MMRN1: variants seen among roughly 807,000 people sequenced by gnomAD.
The protein encoded by MMRN1 is multimerin-1.
In MMRN1, 94 loss-of-function variants were observed where a neutral mutation model predicts 100.7. The ratio of observed to expected loss-of-function variants is 0.93; its 90% CI spans 0.79 to 1.11. The LOEUF (loss-of-function observed/expected upper bound fraction) is 1.11, where lower values mean the gene tolerates loss of function less well. MMRN1 is among the 50% of genes least tolerant of loss of function. The probability of loss-of-function intolerance (pLI) is 0.00; values close to 1 mark genes in which losing one functional copy is unlikely to be tolerated. For synonymous variants in MMRN1, 575 were observed against 505.0 expected (o/e 1.14, Z -1.86); for missense variants, 1,606 against 1,439.1 (o/e 1.12, Z -1.88).
chr4:89,942,848 A>AT (rs558396221), intron 6 of MMRN1, among the ~76,000 whole-genome samples: 152 of 152,240 alleles, frequency 1.0e-3, no homozygotes, highest in Admixed American at 5.2e-3. Context: ...AACTACACTT[A>AT]TTTTTTTACT....
At chr4:89,905,618 T>A (rs1490731047) in intron 1 of MMRN1, among the ~76,000 whole-genome samples, 2 of 151,540 alleles carry the variant, frequency 1.3e-5, no homozygotes, top group Non-Finnish European at 3.0e-5. Flanking sequence ...CAAGAGAATG[T>A]TAATTTTCAG....
In MMRN1 at chr4:89,909,259, A is replaced by G. The variant is rs200147680; in HGVS notation, c.624-17A>G. ...TTTGACAACAGTTTTTTCCCTAACA[A>G]TTATGATCTTCTTTAGGAATTGGTG... On this transcript the variant is annotated splice_polypyrimidine_tract_variant and intron_variant, in intron 1 of 7. Transcript: ENST00000264790. 3.2e-5 allele frequency: 50 copies of G among 1,571,012 alleles called. No individual in the cohort carries two copies. Among genetic ancestry groups the G allele is most frequent in the Non-Finnish European group, 4.2e-5 (49 of 1,160,714 alleles).
chr4:89,907,756 G>C (rs555386186), intron 1 of MMRN1, among the ~76,000 whole-genome samples: 1 of 148,800 alleles, frequency 6.7e-6, no homozygotes, highest in Non-Finnish European at 1.5e-5. Context: ...TATACTTCTC[G>C]TTCTATTTAA....
intron 6 of MMRN1, among the ~76,000 whole-genome samples, chr4:89,948,379 A>G (rs116809564): frequency 0.011 from 1,649 of 152,300 alleles, 15 homozygotes; most frequent in Middle Eastern, 0.068. Context: ...ATCTATACAG[A>G]ATAAAACTGA....
intron 1 of MMRN1, among the ~76,000 whole-genome samples, chr4:89,887,411 G>C (rs1450501556): frequency 1.3e-5 from 2 of 152,014 alleles, no homozygotes; most frequent in South Asian, 4.1e-4. Flanking sequence ...CTACAGAGCT[G>C]TAGTAACCAA....
chr4:89,934,733 C>G (rs1441762463), intron 5 of MMRN1, 77 bp from the exon 6 acceptor site: 2 of 827,996 alleles, frequency 2.4e-6, no homozygotes, highest in Non-Finnish European at 3.4e-6. Context: ...TGTTTAATTT[C>G]AAACTTTTTA....
At chr4:89,888,910 G>A (rs1424783982) in intron 1 of MMRN1, among the ~76,000 whole-genome samples, 1 of 151,574 alleles carries the variant, frequency 6.6e-6, no homozygotes, top group Non-Finnish European at 1.5e-5. Context: ...ATATCTTGGT[G>A]TTTTCTTGAT....
At chr4:89,912,362 A>G (rs752385125) in intron 3 of MMRN1, among the ~76,000 whole-genome samples, 8 of 151,356 alleles carry the variant, frequency 5.3e-5, no homozygotes, top group Admixed American at 3.3e-4. Flanking sequence ...CAGGAATGCT[A>G]ATTTTCAATT....
In MMRN1 at chr4:89,895,045, A is replaced by T; in HGVS notation, c.74A>T (p.His25Leu). Residue 25 changes from histidine (H) to leucine (L), a missense_variant, in exon 1 of 8, where the codon CAT becomes CTT. Physicochemically the swap from His to Leu is moderately conservative, Grantham distance 99 (BLOSUM62 -3). Coordinates refer to ENST00000264790, the MANE Select transcript of MMRN1 (RefSeq NM_007351.3). The part of the protein sequence containing the change: ...SGGIGLNNSK[H>L]SWTIPEDGNS... Reference sequence around the variant, plus strand: ...GGCATTGGGCTTAACAACAGTAAGCATTCTTGGACTATACCTGAGGATGGG... The same window carrying T: ...GGCATTGGGCTTAACAACAGTAAGCTTTCTTGGACTATACCTGAGGATGGG... 1 of 1,613,928 alleles carries T rather than the reference A, an allele frequency of 6.2e-7. No homozygotes were observed. The highest frequency in any genetic ancestry group is 8.5e-7 in the Non-Finnish European group (1 of 1,179,872).
At chr4:89,916,281 G>A (rs1721913033) in intron 3 of MMRN1, among the ~76,000 whole-genome samples, 1 of 151,092 alleles carries the variant, frequency 6.6e-6, no homozygotes, top group Admixed American at 6.6e-5. Flanking sequence ...AGATTCATGT[G>A]ACAATTGGAT....
intron 1 of MMRN1, among the ~76,000 whole-genome samples, chr4:89,908,927 A>C (rs1721653565): frequency 6.6e-6 from 1 of 151,304 alleles, no homozygotes; most frequent in South Asian, 2.1e-4. Flanking sequence ...AAAGTAATGG[A>C]CCCGGATCTG....
chr4:89,881,625 G>T (rs1415095385), intron 1 of MMRN1, among the ~76,000 whole-genome samples: 2 of 151,578 alleles, frequency 1.3e-5, no homozygotes, highest in Admixed American at 6.6e-5. Context: ...GTTTGTCAAA[G>T]GTGCCCATGG....
At chr4:89,896,866 A>T (rs1384690646) in intron 1 of MMRN1, among the ~76,000 whole-genome samples, 1 of 152,200 alleles carries the variant, frequency 6.6e-6, no homozygotes, top group Non-Finnish European at 1.5e-5. Flanking sequence ...ATCTGATTGT[A>T]ACTAAAAAAG....
intron 6 of MMRN1, among the ~76,000 whole-genome samples, chr4:89,946,148 T>A (rs1253911987): frequency 6.6e-6 from 1 of 152,206 alleles, no homozygotes; most frequent in South Asian, 2.1e-4. Flanking sequence ...AACTTAAGAA[T>A]GTGTCCATTA....
chr4:89,939,059 G>T (rs1447105309), intron 6 of MMRN1, among the ~76,000 whole-genome samples: 1 of 152,092 alleles, frequency 6.6e-6, no homozygotes, highest in African/African-American at 2.4e-5. Context: ...AGCAGGCAAG[G>T]TCTATGAAAG....
chr4:89,894,364 T>C (rs183798751), upstream of MMRN1, among the ~76,000 whole-genome samples: 3 of 152,264 alleles, frequency 2.0e-5, no homozygotes, highest in Admixed American at 2.0e-4. Flanking sequence ...TGTATGTAGA[T>C]AGATGTTTTA....
intron 5 of MMRN1, among the ~76,000 whole-genome samples, chr4:89,931,794 A>C (rs998350477): frequency 6.6e-6 from 1 of 152,120 alleles, no homozygotes; most frequent in African/African-American, 2.4e-5. Context: ...GATTCAATTT[A>C]TCTCCCACTG....
intron 1 of MMRN1, among the ~76,000 whole-genome samples, chr4:89,896,841 G>A (rs1265647938): frequency 1.3e-5 from 2 of 151,800 alleles, no homozygotes; most frequent in Admixed American, 6.6e-5. Context: ...AGAATTTTTC[G>A]AAATATATAA....
intron 3 of MMRN1, among the ~76,000 whole-genome samples, chr4:89,919,130 A>G (rs1219685937): frequency 6.6e-6 from 1 of 151,588 alleles, no homozygotes; most frequent in Non-Finnish European, 1.5e-5. Context: ...AAGTTCTGTA[A>G]TACTTTTCTT....
Sources: allele counts gnomAD v4.1 joint callset (sites outside exome capture counted in the v4.1 genomes callset), GRCh38; gene constraint gnomAD v4.1.1; transcripts MANE v1.5; gene names NCBI Gene and HGNC (gene_info 2026-07-23, HGNC 2026-07-21).